Variants in LRRC3B observed in about 807,000 individuals in gnomAD.
LRRC3B encodes leucine-rich repeat-containing protein 3B.
A neutral mutation model predicts 12.8 loss-of-function variants in LRRC3B; 2 were observed. That is an observed-to-expected ratio of 0.16 (90% confidence interval 0.06 to 0.49). LRRC3B has a LOEUF of 0.49. Ranked by LOEUF, LRRC3B falls within the 20% of genes least tolerant of loss-of-function variation. The pLI, the probability that LRRC3B is intolerant of heterozygous loss-of-function variation, is 0.96. For synonymous variants in LRRC3B, 132 were observed against 122.0 expected, an observed-to-expected ratio of 1.08 and a Z score of -0.54; for missense variants, 189 against 319.4, an observed-to-expected ratio of 0.59 and a Z score of 3.11.
chr3:26,633,728 T>A (rs970301189), intron 1 of LRRC3B, among the ~76,000 whole-genome samples: 1 of 152,136 alleles, frequency 6.6e-6, no homozygotes, highest in African/African-American at 2.4e-5. Flanking sequence ...GGGAACAGAA[T>A]AATGACTTGT....
chr3:26,652,408 C>T (rs1699283735), intron 1 of LRRC3B, among the ~76,000 whole-genome samples: 1 of 152,150 alleles, frequency 6.6e-6, no homozygotes, highest in South Asian at 2.1e-4. Flanking sequence ...TGTCACTGCA[C>T]AGCTGTGAAG....
Position 26,668,218 on chromosome 3 carries a change from A to C in LRRC3B, c.-160-41295A>C, listed in dbSNP as rs534897763. 1.2e-3 allele frequency among the ~76,000 whole-genome samples: 179 copies of C among 152,168 alleles called. 6 individuals carry two copies. The South Asian group carries it at 0.034, about 29-fold the overall frequency. ...AATCAGAGAGCCTTTGTTTCATGGG[A>C]TGTGCTCTGAGAAATGACTAGACTT... On this transcript the variant is annotated intron_variant, in intron 1 of 1. Transcript: ENST00000396641.
At chr3:26,650,264 G>A (rs1699238934) in intron 1 of LRRC3B, among the ~76,000 whole-genome samples, 1 of 152,062 alleles carries the variant, frequency 6.6e-6, no homozygotes, top group African/African-American at 2.4e-5. Context: ...AAACCATCAG[G>A]GCCGTATGGC....
intron 1 of LRRC3B, among the ~76,000 whole-genome samples, chr3:26,697,058 A>ACT (rs1277187240): frequency 3.3e-5 from 5 of 152,112 alleles, no homozygotes; most frequent in African/African-American, 1.2e-4. Context: ...TGCAGCAAAA[A>ACT]CTCTTAACTC....
At chr3:26,655,073 C>T (rs1359802878) in intron 1 of LRRC3B, among the ~76,000 whole-genome samples, 1 of 152,118 alleles carries the variant, frequency 6.6e-6, no homozygotes, top group East Asian at 1.9e-4. Flanking sequence ...GTCTATCTGT[C>T]TGTCTGTCCA....
chr3:26,686,545 A>T (rs1443853465), intron 1 of LRRC3B, among the ~76,000 whole-genome samples: 1 of 152,096 alleles, frequency 6.6e-6, no homozygotes, highest in Non-Finnish European at 1.5e-5. Flanking sequence ...TTCTTCTTTG[A>T]TGTGTTACAT....
intron 1 of LRRC3B, among the ~76,000 whole-genome samples, chr3:26,628,918 G>A (rs1381101283): frequency 1.3e-5 from 2 of 151,136 alleles, no homozygotes; most frequent in Non-Finnish European, 2.9e-5. Context: ...GAACAGATTA[G>A]GAAAGGTTAT....
At chr3:26,626,944 C>T (rs562347395) in intron 1 of LRRC3B, among the ~76,000 whole-genome samples, 122 of 152,310 alleles carry the variant, frequency 8.0e-4, no homozygotes, top group African/African-American at 2.6e-3. Context: ...TCACAGGAAA[C>T]ATTCTTTTGA....
chr3:26,633,954 A>G lies in LRRC3B; in HGVS notation c.-161+10717A>G, dbSNP rs767632312. ...GTGTAAGCTCCTAATGTTTTGTAGA[A>G]CTAATTCAATTAAAACATGGTAGAA... On this transcript the variant is annotated intron_variant, in intron 1 of 1. Transcript: ENST00000396641. Among the ~76,000 whole-genome samples, 6 of 152,354 alleles carry G rather than the reference A, an allele frequency of 3.9e-5. No individual in the cohort carries two copies. In the South Asian group the frequency reaches 1.2e-3, roughly 32 times the overall value.
At chr3:26,633,501 A>G (rs576309097) in intron 1 of LRRC3B, among the ~76,000 whole-genome samples, 1 of 152,354 alleles carries the variant, frequency 6.6e-6, no homozygotes, top group South Asian at 2.1e-4. Flanking sequence ...GAATATGCAC[A>G]TATGAAAACA....
chr3:26,685,521 C>CTATATATA (rs1297622788), intron 1 of LRRC3B, among the ~76,000 whole-genome samples: 2 of 41,510 alleles, frequency 4.8e-5, no homozygotes, highest in African/African-American at 2.3e-4. Flanking sequence ...CTCTCTCTCT[C>CTATATATA]TCTATATATA....
intron 1 of LRRC3B, among the ~76,000 whole-genome samples, chr3:26,685,518 T>TA (rs1353926665): frequency 6.4e-5 from 3 of 47,086 alleles, no homozygotes; most frequent in Admixed American, 2.7e-4. Flanking sequence ...TCTCTCTCTC[T>TA]CTCTCTATAT....
intron 1 of LRRC3B, among the ~76,000 whole-genome samples, chr3:26,657,441 A>T (rs1699394662): frequency 6.6e-6 from 1 of 152,200 alleles, no homozygotes; most frequent in African/African-American, 2.4e-5. Context: ...AGGCTGACAC[A>T]AGAGTAGTGA....
chr3:26,684,082 G>A (rs1187527336), intron 1 of LRRC3B, among the ~76,000 whole-genome samples: 1 of 152,172 alleles, frequency 6.6e-6, no homozygotes, highest in African/African-American at 2.4e-5. Context: ...TGCTCAAGTT[G>A]TTATTCAGTC....
At chr3:26,634,475 G>T (rs1478640997) in intron 1 of LRRC3B, among the ~76,000 whole-genome samples, 17 of 152,192 alleles carry the variant, frequency 1.1e-4, no homozygotes, top group Non-Finnish European at 1.5e-5. Flanking sequence ...CAAGGAGCTT[G>T]ACATTCCATT....
chr3:26,642,764 A>T (rs1005454683), intron 1 of LRRC3B, among the ~76,000 whole-genome samples: 2 of 152,124 alleles, frequency 1.3e-5, no homozygotes, highest in Non-Finnish European at 2.9e-5. Context: ...CGTGCCTGTA[A>T]TCCCAGCACT....
At chr3:26,710,365 T>C (rs1475167641) in exon 2 of LRRC3B, 1 of 1,614,050 alleles carries the variant, frequency 6.2e-7, no homozygotes, top group Non-Finnish European at 8.5e-7. Flanking sequence ...ATCAGGAGGA[T>C]GCCCGGAGAC....
At chr3:26,655,680 T>C (rs561701693) in intron 1 of LRRC3B, among the ~76,000 whole-genome samples, 1 of 152,292 alleles carries the variant, frequency 6.6e-6, no homozygotes, top group Non-Finnish European at 1.5e-5. Context: ...AGAGCTCATA[T>C]CTCCAATTCA....
intron 1 of LRRC3B, among the ~76,000 whole-genome samples, chr3:26,636,018 T>C (rs1163598061): frequency 1.4e-5 from 2 of 144,058 alleles, no homozygotes; most frequent in East Asian, 5.1e-4. Flanking sequence ...AACCTCTACT[T>C]TTTTTTACTA....
Sources: allele counts gnomAD v4.1 joint callset (sites outside exome capture counted in the v4.1 genomes callset), GRCh38; gene constraint gnomAD v4.1.1; transcripts MANE v1.5; gene names NCBI Gene and HGNC (gene_info 2026-07-23, HGNC 2026-07-21).